NAA25: variants seen among roughly 807,000 people sequenced by gnomAD.
The protein encoded by NAA25 is N-alpha-acetyltransferase 25, NatB auxiliary subunit.
A neutral mutation model predicts 132.5 loss-of-function variants in NAA25; 30 were observed. The ratio of observed to expected loss-of-function variants is 0.23; its 90% CI spans 0.17 to 0.31. The LOEUF (loss-of-function observed/expected upper bound fraction) is 0.31. NAA25 is among the 10% of genes least tolerant of loss of function. NAA25 has a pLI of 1.00. For missense variants in NAA25, 771 were observed against 1,150.4 expected, an observed-to-expected ratio of 0.67 and a Z score of 4.77; for synonymous variants, 359 against 401.9, an observed-to-expected ratio of 0.89 and a Z score of 1.28.
At chr12:112,077,229 T>C (rs2078906228) in intron 7 of NAA25, among the ~76,000 whole-genome samples, 1 of 151,844 alleles carries the variant, frequency 6.6e-6, no homozygotes, top group African/African-American at 2.4e-5. Flanking sequence ...TCCCAGCACT[T>C]TGGGAGGCAG....
intron 5 of NAA25, among the ~76,000 whole-genome samples, chr12:112,080,721 G>A (rs1286729972): frequency 6.6e-6 from 1 of 151,972 alleles, no homozygotes; most frequent in African/African-American, 2.4e-5. Context: ...GGATGGTCTC[G>A]ATTTCCTGAC....
At chr12:112,082,937 A>C (rs1239219418) in intron 4 of NAA25, among the ~76,000 whole-genome samples, 1 of 152,210 alleles carries the variant, frequency 6.6e-6, no homozygotes, top group African/African-American at 2.4e-5. Context: ...TGATAAAACA[A>C]GTAGGATGTC....
At chr12:112,067,478 G>A (rs1041373016) in intron 11 of NAA25, among the ~76,000 whole-genome samples, 3 of 152,170 alleles carry the variant, frequency 2.0e-5, no homozygotes, top group Non-Finnish European at 2.9e-5. Context: ...AAAGGCTGAG[G>A]CGGGTGGATC....
intron 10 of NAA25, 163 bp from the exon 11 acceptor site, chr12:112,069,155 G>A: frequency 1.7e-6 from 1 of 576,350 alleles, no homozygotes; most frequent in Admixed American, 3.1e-5. Flanking sequence ...GTTACAGACT[G>A]AACTCATTGT....
rs151321520 is a variant in NAA25 at position 112,087,761 on chromosome 12, T to C, written c.324A>G (p.Lys108=). 1.2e-6 allele frequency: 2 copies of C among 1,614,002 alleles called. No homozygotes were observed. The highest frequency in any genetic ancestry group is 1.3e-5 in the African/African-American group (1 of 74,962). ...VTKLYEAAVK[K]VPNSEEYHSH... ...AGTGATACTCCTCACTATTGGGAACTTTCTTCACAGCTGCCTCATAAAGTT... is the reference window on the plus strand; with the variant it reads ...AGTGATACTCCTCACTATTGGGAACCTTCTTCACAGCTGCCTCATAAAGTT... The change falls in exon 4 of 24, where the codon AAA becomes AAG. Residue 108 remains lysine (K), a synonymous_variant. Coordinates refer to ENST00000261745, the MANE Select transcript of NAA25 (RefSeq NM_024953.4).
chr12:112,039,613 T>C, intron 21 of NAA25: 1 of 243,522 alleles, frequency 4.1e-6, no homozygotes, highest in Non-Finnish European at 7.8e-6. Flanking sequence ...CAATTTTCTG[T>C]CACTTCCCTG....
chr12:112,055,016 T>A (rs535961162), intron 13 of NAA25, among the ~76,000 whole-genome samples: 140 of 152,218 alleles, frequency 9.2e-4, no homozygotes, highest in Non-Finnish European at 1.8e-3. Context: ...TGAAAATATT[T>A]ACTCAATAAT....
chr12:112,075,923 C>T, intron 7 of NAA25, 134 bp from the exon 8 acceptor site: 1 of 657,060 alleles, frequency 1.5e-6, no homozygotes, highest in South Asian at 1.9e-5. Context: ...ACTCTTGTCA[C>T]CCAGGCTGGA....
Position 112,107,855 on chromosome 12 carries a change from A to C in NAA25, c.58+861T>G, listed in dbSNP as rs569314179. The stretch of plus-strand genomic sequence containing the variant: ...AATTACACATTTCGGTTATTGGAAA[A>C]GGGTTTCTCCCAAACTCAAAATCTG... On this transcript the variant is annotated intron_variant, in intron 1 of 23. Coordinates refer to ENST00000261745, the MANE Select transcript of NAA25 (RefSeq NM_024953.4). Among the ~76,000 whole-genome samples the C allele has an allele frequency of 2.0e-5, 3 of 152,366 alleles. No individual in the cohort carries two copies. The South Asian group carries it at 6.2e-4, about 32-fold the overall frequency.
intron 8 of NAA25, 41 bp from the exon 9 acceptor site, chr12:112,074,805 G>T (rs1476237953): frequency 1.6e-6 from 2 of 1,277,710 alleles, no homozygotes; most frequent in Non-Finnish European, 1.1e-6. Context: ...TTAAACCCAA[G>T]TTGTGACAGA....
chr12:112,084,409 C>T (rs1566026052), intron 4 of NAA25, among the ~76,000 whole-genome samples: 3 of 152,204 alleles, frequency 2.0e-5, no homozygotes, highest in Non-Finnish European at 4.4e-5. Context: ...TACCTATTAC[C>T]TCAGACTGAC....
At chr12:112,096,543 A>G (rs1176601498) in intron 1 of NAA25, among the ~76,000 whole-genome samples, 1 of 152,226 alleles carries the variant, frequency 6.6e-6, no homozygotes, top group Non-Finnish European at 1.5e-5. Context: ...AAAGATAAGA[A>G]GCCTTACTCT....
chr12:112,088,752 C>G (rs756078162), intron 3 of NAA25, among the ~76,000 whole-genome samples: 1 of 151,818 alleles, frequency 6.6e-6, no homozygotes, highest in Non-Finnish European at 1.5e-5. Flanking sequence ...TCCCAAGTAA[C>G]TGGGATTACA....
rs1044359386 is a variant in NAA25 at position 112,026,763 on chromosome 12, T to C, written c.*2768A>G. On this transcript the variant is annotated 3_prime_UTR_variant, in exon 24 of 24. Coordinates refer to ENST00000261745, the MANE Select transcript of NAA25 (RefSeq NM_024953.4). The stretch of plus-strand genomic sequence containing the variant: ...AGTAGATTTGCTATGCTTCACTTAC[T>C]TAAGGAAGAATATATACTTCCTATA... The C allele has an allele frequency of 1.3e-5, 2 of 152,212 alleles. 1 individual carries two copies. The highest frequency in any genetic ancestry group is 4.8e-5 in the African/African-American group (2 of 41,458). 9.4% of individuals were successfully genotyped at this position (152,212 alleles called of 1,614,324 possible). A position where few individuals can be genotyped will look rare whatever the true frequency, so the allele number is the denominator to read the frequency against.
intron 18 of NAA25, 63 bp downstream of exon 18, chr12:112,043,562 G>C (rs1169899330): frequency 1.3e-6 from 2 of 1,575,676 alleles, no homozygotes; most frequent in Non-Finnish European, 1.7e-6. Context: ...CCAAACTCCT[G>C]TTTATAAAAC....
Position 112,093,248 on chromosome 12 carries a change from ACAT to A in NAA25, c.59-115_59-113del, listed in dbSNP as rs910337678. Reference sequence around the variant, plus strand: ...AAAATATCTTAATTTGCTATATAAAACATCATGGAGGCCGGGCGTGGTGGCTTA... The same window carrying A: ...AAAATATCTTAATTTGCTATATAAAACATGGAGGCCGGGCGTGGTGGCTTA... On this transcript the variant is annotated intron_variant, in intron 1 of 23. Coordinates refer to ENST00000261745, the MANE Select transcript of NAA25 (RefSeq NM_024953.4). The A allele has an allele frequency of 1.2e-5, 8 of 640,584 alleles. No homozygotes were observed. In the African/African-American group the frequency reaches 1.5e-4, roughly 12 times the overall value. The allele number at this position is 640,584 out of a possible 1,614,324, so 39.7% of individuals were successfully genotyped here. A position where few individuals can be genotyped will look rare whatever the true frequency, so the allele number is the denominator to read the frequency against.
intron 15 of NAA25, 60 bp downstream of exon 15, chr12:112,053,498 C>A (rs1022615319): frequency 1.7e-6 from 2 of 1,208,978 alleles, no homozygotes; most frequent in Admixed American, 1.9e-5. Flanking sequence ...TGGTGACGTG[C>A]TCCTCAATAG....
At chr12:112,096,045 A>C (rs1276087502) in intron 1 of NAA25, among the ~76,000 whole-genome samples, 2 of 152,210 alleles carry the variant, frequency 1.3e-5, no homozygotes, top group African/African-American at 4.8e-5. Context: ...AGTTGTTAAT[A>C]ATAAGGGAAA....
intron 11 of NAA25, among the ~76,000 whole-genome samples, chr12:112,061,888 A>T (rs2078635582): frequency 6.6e-6 from 1 of 152,238 alleles, no homozygotes; most frequent in South Asian, 2.1e-4. Flanking sequence ...ACTTATAATT[A>T]TAGATTCATA....
Sources: gnomAD v4.1 joint callset for allele counts (sites outside exome capture counted in the v4.1 genomes callset) on GRCh38, gnomAD v4.1.1 for gene constraint, MANE v1.5 for transcripts, NCBI Gene and HGNC (gene_info 2026-07-23, HGNC 2026-07-21) for gene names.